NOLC1: variants seen among roughly 807,000 people sequenced by gnomAD.
The protein encoded by NOLC1 is nucleolar and coiled-body phosphoprotein 1.
Under a neutral mutation model 73.4 loss-of-function variants are expected in NOLC1, and 37 were observed. That is an observed-to-expected ratio of 0.50 (90% CI 0.39 to 0.66). NOLC1 has a LOEUF of 0.66. Among genes scored for constraint, NOLC1 ranks in the 30% least tolerant of loss-of-function variants. NOLC1 has a pLI of 0.00. For synonymous variants in NOLC1, 327 were observed against 302.6 expected (o/e 1.08, Z -0.84); for missense variants, 921 against 838.9 (o/e 1.10, Z -1.21).
chr10:102,161,253 T>G (rs2069705262), intron 10 of NOLC1, among the ~76,000 whole-genome samples, 160 bp downstream of exon 10: 1 of 149,052 alleles, frequency 6.7e-6, no homozygotes. Flanking sequence ...TTTTTTTTTA[T>G]TAGAGTCTCA....
chr10:102,160,107 C>T lies in NOLC1; in HGVS notation c.988+83C>T, dbSNP rs890049954. ...TAAGGGAGAGAGAAAGCCTTCCATC[C>T]TTCGGTTGCTTTTTGCTTAAAGCAA... On this transcript the variant is annotated intron_variant, in intron 8 of 12. Transcript: ENST00000605788. 67 of 1,587,238 alleles carry T rather than the reference C, an allele frequency of 4.2e-5. No homozygotes were observed. In the Middle Eastern group the frequency reaches 8.5e-4, roughly 20 times the overall value.
At chr10:102,152,595 C>CT in intron 1 of NOLC1, 65 bp downstream of exon 1, 1 of 1,601,188 alleles carries the variant, frequency 6.2e-7, no homozygotes, top group South Asian at 1.1e-5. Flanking sequence ...CCCTGACGTG[C>CT]TTAGGTTTCC....
At chr10:102,155,304 C>G (rs1400103852) in intron 1 of NOLC1, among the ~76,000 whole-genome samples, 3 of 151,382 alleles carry the variant, frequency 2.0e-5, no homozygotes, top group Non-Finnish European at 4.4e-5. Flanking sequence ...GGATTACAGG[C>G]GTTTAGCCAC....
chr10:102,156,017 C>T (rs925070534), intron 1 of NOLC1, among the ~76,000 whole-genome samples: 15 of 150,742 alleles, frequency 1.0e-4, no homozygotes, highest in African/African-American at 2.9e-4. Flanking sequence ...CCACCACACC[C>T]GGCTAAGAGA....
At position 102,162,218 on chromosome 10, in the gene NOLC1, G is replaced by A; in HGVS notation, c.2049G>A (p.Arg683=). The change falls in exon 13 of 13, where the codon CGG becomes CGA. Residue 683 remains arginine (R), a synonymous_variant. Transcript: ENST00000605788. ...EKTKKKRGSY[R]GGSISVQVNS... is the part of the protein sequence containing the mutation. ...CCAAGAAGAAGCGGGGCAGCTACCG[G>A]GGAGGCTCAATCTCTGTCCAGGTCA... is the stretch of plus-strand genomic sequence containing the variant. 6.2e-7 allele frequency: 1 copy of A among 1,614,108 alleles called. No homozygotes were observed.
At position 102,162,864 on chromosome 10, in the gene NOLC1, G is replaced by A. The variant is rs562228077; in HGVS notation, c.*595G>A. Reference sequence around the variant, plus strand: ...GGTCTGGGACTGAAGTTTTTAGCCAGCATGGACCTAACCTACTTTTTGGGA... The same window carrying A: ...GGTCTGGGACTGAAGTTTTTAGCCAACATGGACCTAACCTACTTTTTGGGA... On this transcript the variant is annotated 3_prime_UTR_variant, in exon 13 of 13. Coordinates refer to ENST00000605788, the MANE Select transcript of NOLC1 (RefSeq NM_004741.5). The A allele has an allele frequency of 9.8e-5, 15 of 152,330 alleles. No individual in the cohort carries two copies. The highest frequency in any genetic ancestry group is 3.4e-3 in the Middle Eastern group (1 of 294). The allele number at this position is 152,330 out of a possible 1,614,324, so 9.4% of individuals were successfully genotyped here. A position where few individuals can be genotyped will look rare whatever the true frequency, so the allele number is the denominator to read the frequency against.
chr10:102,159,599 A>G (rs764686573), intron 7 of NOLC1, 31 bp downstream of exon 7: 11 of 1,606,642 alleles, frequency 6.8e-6, no homozygotes, highest in Admixed American at 5.1e-5. Flanking sequence ...AAGCTGTGTG[A>G]CTGTGGTCAG....
intron 10 of NOLC1, 142 bp from the exon 11 acceptor site, chr10:102,161,414 T>C: frequency 3.0e-6 from 2 of 663,544 alleles, no homozygotes; most frequent in Non-Finnish European, 5.2e-6. Flanking sequence ...TAACTTTTTA[T>C]AGAGACAGAA....
Position 102,160,618 on chromosome 10 carries a change from CAGCAGCTCCAGTGAGGAAGAG to C in NOLC1, c.1284_1304del (p.Ser430_Glu436del), listed in dbSNP as rs759634865. 28 of 1,614,110 alleles carry C rather than the reference CAGCAGCTCCAGTGAGGAAGAG, an allele frequency of 1.7e-5. No individual in the cohort carries two copies. Among genetic ancestry groups the C allele is most frequent in the South Asian group, 6.6e-5 (6 of 91,094 alleles). ...AGAAGCTTCTGACGAGAAAGGCTGA[CAGCAGCTCCAGTGAGGAAGAG>C]AGCAGCTCCAGTGAGGAGGAGAAGA... On this transcript the variant is annotated inframe_deletion, in exon 10 of 13. Coordinates refer to ENST00000605788, the MANE Select transcript of NOLC1 (RefSeq NM_004741.5).
intron 4 of NOLC1, among the ~76,000 whole-genome samples, chr10:102,157,837 G>A (rs2069624713): frequency 6.6e-6 from 1 of 152,052 alleles, no homozygotes; most frequent in African/African-American, 2.4e-5. Context: ...AAGAGAGAGT[G>A]TTTTCCTGGG....
intron 8 of NOLC1, 62 bp downstream of exon 8, chr10:102,160,086 GGA>G (rs2069674258): frequency 1.3e-6 from 2 of 1,594,976 alleles, no homozygotes; most frequent in African/African-American, 1.4e-5. Context: ...GAGGAATAAG[GGA>G]GAGAGAAAGC....
At chr10:102,155,760 G>A (rs907386708) in intron 1 of NOLC1, among the ~76,000 whole-genome samples, 2 of 150,414 alleles carry the variant, frequency 1.3e-5, no homozygotes, top group Non-Finnish European at 3.0e-5. Context: ...TGCCTACCTC[G>A]ACCTCCCATA....
chr10:102,157,415 C>T lies in NOLC1; in HGVS notation c.317-16C>T, dbSNP rs1455733300. 2 of 1,613,892 alleles carry T rather than the reference C, an allele frequency of 1.2e-6. No individual in the cohort carries two copies. The highest frequency in any genetic ancestry group is 1.7e-6 in the Non-Finnish European group (2 of 1,179,918). On this transcript the variant is annotated splice_polypyrimidine_tract_variant and intron_variant, in intron 3 of 12. Transcript: ENST00000605788. ...TCACATGGCTGATTCTTACTGGGAC[C>T]TGTGTGTTTGTTCAGCTGTACCTGC...
At chr10:102,156,992 C>G in intron 1 of NOLC1, 27 bp from the exon 2 acceptor site, 4 of 1,610,152 alleles carry the variant, frequency 2.5e-6, no homozygotes, top group Non-Finnish European at 3.4e-6. Flanking sequence ...AAAATAATTT[C>G]CTTACCCAGC....
At chr10:102,153,771 C>A (rs1235754907) in intron 1 of NOLC1, among the ~76,000 whole-genome samples, 12 of 142,666 alleles carry the variant, frequency 8.4e-5, no homozygotes, top group Non-Finnish European at 1.8e-4. Context: ...CTCCCAAGTT[C>A]AAGTGATTAT....
At position 102,162,596 on chromosome 10, in the gene NOLC1, A is replaced by G. The variant is rs879040260; in HGVS notation, c.*327A>G. The G allele has an allele frequency of 3.5e-5, 6 of 172,994 alleles. No homozygotes were observed. The highest frequency in any genetic ancestry group is 1.2e-4 in the Admixed American group (2 of 16,124). 10.7% of individuals were successfully genotyped at this position (172,994 alleles called of 1,614,324 possible). On this transcript the variant is annotated 3_prime_UTR_variant, in exon 13 of 13. Coordinates refer to ENST00000605788, the MANE Select transcript of NOLC1 (RefSeq NM_004741.5). ...TATATTTTATATTAAATCACTTACT[A>G]TTGATTTTTGTTGTGATTTTCAAAG...
At chr10:102,155,929 T>TTACTGC (rs2069587206) in intron 1 of NOLC1, among the ~76,000 whole-genome samples, 1 of 151,474 alleles carries the variant, frequency 6.6e-6, no homozygotes, top group Non-Finnish European at 1.5e-5. Context: ...CGATCTCAGC[T>TTACTGC]TACTGCACCC....
At chr10:102,159,857 G>T in intron 7 of NOLC1, 39 bp from the exon 8 acceptor site, 1 of 1,482,054 alleles carries the variant, frequency 6.7e-7, no homozygotes, top group South Asian at 1.4e-5. Flanking sequence ...AAAAGTTGTA[G>T]ACATATCCTA....
At chr10:102,158,686 G>A (rs1409080293) in intron 5 of NOLC1, among the ~76,000 whole-genome samples, 1 of 152,160 alleles carries the variant, frequency 6.6e-6, no homozygotes, top group Non-Finnish European at 1.5e-5. Context: ...GATTATTTAT[G>A]TCATCTTTTC....
Sources: allele counts gnomAD v4.1 joint callset (sites outside exome capture counted in the v4.1 genomes callset), GRCh38; gene constraint gnomAD v4.1.1; transcripts MANE v1.5; gene names NCBI Gene and HGNC (gene_info 2026-07-23, HGNC 2026-07-21).